Variants in OCLN observed in about 807,000 individuals in gnomAD.
OCLN encodes the protein phosphatase 1, regulatory subunit 115.
A neutral mutation model predicts 47.9 loss-of-function variants in OCLN; 21 were observed. The observed-to-expected ratio is 0.44, with a 90% confidence interval of 0.31 to 0.63. The LOEUF (loss-of-function observed/expected upper bound fraction) is 0.63. Among genes scored for constraint, OCLN ranks in the 30% least tolerant of loss-of-function variants. The pLI is 0.08. For synonymous variants in OCLN, 117 were observed against 198.4 expected (o/e 0.59, Z 3.45); for missense variants, 360 against 571.0 (o/e 0.63, Z 3.77).
At chr5:69,514,206 T>G in intron 4 of OCLN, 97 bp downstream of exon 4, 1 of 1,095,714 alleles carries the variant, frequency 9.1e-7, no homozygotes, top group South Asian at 1.3e-5. Flanking sequence ...AGAATTAATG[T>G]TTGTATATGT....
intron 4 of OCLN, among the ~76,000 whole-genome samples, chr5:69,533,968 C>G (rs1344765104): frequency 6.6e-6 from 1 of 151,978 alleles, no homozygotes; most frequent in Non-Finnish European, 1.5e-5. Context: ...CCTATTAAGG[C>G]ATAATTTCTA....
intron 1 of OCLN, among the ~76,000 whole-genome samples, chr5:69,498,676 T>C (rs946434998): frequency 2.7e-5 from 4 of 149,000 alleles, no homozygotes; most frequent in African/African-American, 9.9e-5. Flanking sequence ...TCTTGTATAC[T>C]TTTTTTTTTA....
chr5:69,505,855 T>C (rs1768584549), intron 2 of OCLN, among the ~76,000 whole-genome samples: 1 of 152,186 alleles, frequency 6.6e-6, no homozygotes, highest in Non-Finnish European at 1.5e-5. Flanking sequence ...GTGGGGATAT[T>C]TCCCCACCAG....
chr5:69,506,965 C>T (rs1409089946), intron 2 of OCLN, among the ~76,000 whole-genome samples: 1 of 152,116 alleles, frequency 6.6e-6, no homozygotes, highest in Non-Finnish European at 1.5e-5. Flanking sequence ...TGAGGAAAGA[C>T]CAAGCAAACA....
At chr5:69,523,782 C>T (rs898587957) in intron 4 of OCLN, among the ~76,000 whole-genome samples, 7 of 152,022 alleles carry the variant, frequency 4.6e-5, no homozygotes, top group Admixed American at 2.0e-4. Context: ...GTGATCCACC[C>T]GCCTCAGCCT....
chr5:69,553,820 G>C lies in OCLN; in HGVS notation c.*149G>C. On this transcript the variant is annotated 3_prime_UTR_variant, in exon 9 of 9. Coordinates refer to ENST00000396442, the MANE Select transcript of OCLN (RefSeq NM_001205254.2). ...TTGCTTTAACATCATCAGTATTGAA[G>C]CATTTTATAAATCGCTTTTGATAAT... 8.3e-7 allele frequency: 1 copy of C among 1,211,258 alleles called. No homozygotes were observed. The highest frequency in any genetic ancestry group is 1.2e-6 in the Non-Finnish European group (1 of 854,256). The allele number at this position is 1,211,258 out of a possible 1,614,324, so 75.0% of individuals were successfully genotyped here. A position where few individuals can be genotyped will look rare whatever the true frequency, so the allele number is the denominator to read the frequency against.
At chr5:69,515,312 G>T (rs1465502908) in intron 4 of OCLN, among the ~76,000 whole-genome samples, 2 of 128,052 alleles carry the variant, frequency 1.6e-5, no homozygotes, top group African/African-American at 2.9e-5. Flanking sequence ...CGGATGGGGC[G>T]GCTGGCCGGG....
At chr5:69,514,852 G>C (rs983869208) in intron 4 of OCLN, among the ~76,000 whole-genome samples, 1 of 152,174 alleles carries the variant, frequency 6.6e-6, no homozygotes, top group Admixed American at 6.5e-5. Context: ...TAGGGTCACC[G>C]ATCAACAGGA....
At chr5:69,533,385 C>T (rs939170028) in intron 4 of OCLN, among the ~76,000 whole-genome samples, 1 of 152,050 alleles carries the variant, frequency 6.6e-6, no homozygotes, top group Non-Finnish European at 1.5e-5. Context: ...AAAAACGGGG[C>T]ACAAGGAGTG....
rs903942235 is a variant in OCLN, at chr5:69,493,671, G to T, written c.-69+771G>T. 2.6e-5 allele frequency among the ~76,000 whole-genome samples: 4 copies of T among 152,150 alleles called. No homozygotes were observed. Among genetic ancestry groups the T allele is most frequent in the African/African-American group, 9.7e-5 (4 of 41,440 alleles). On this transcript the variant is annotated intron_variant, in intron 1 of 8. Coordinates refer to ENST00000396442, the MANE Select transcript of OCLN (RefSeq NM_001205254.2). The surrounding 1 kb of genome is among the most constrained non-coding windows in gnomAD (Gnocchi z 5.3). ...TCCGGGCGGTGCCTGCCCGGCGAAC[G>T]TGGGCGCGCGCTGCCTGGGAGCGCC... is the stretch of plus-strand genomic sequence containing the variant.
At chr5:69,503,188 G>T (rs1768506998) in intron 1 of OCLN, among the ~76,000 whole-genome samples, 1 of 152,018 alleles carries the variant, frequency 6.6e-6, no homozygotes, top group African/African-American at 2.4e-5. Flanking sequence ...CTTCATTGTT[G>T]CCTCACACCT....
At chr5:69,525,183 C>A (rs957818568) in intron 4 of OCLN, among the ~76,000 whole-genome samples, 1 of 151,572 alleles carries the variant, frequency 6.6e-6, no homozygotes, top group Non-Finnish European at 1.5e-5. Context: ...CGGCTCACTG[C>A]GAGCTCCACC....
chr5:69,536,895 G>C (rs1325228516), intron 5 of OCLN, among the ~76,000 whole-genome samples: 2 of 151,528 alleles, frequency 1.3e-5, no homozygotes, highest in Non-Finnish European at 2.9e-5. Context: ...GTGAACCCGG[G>C]AGGTGGAGCT....
chr5:69,504,406 T>C, intron 2 of OCLN, 112 bp downstream of exon 2: 1 of 738,842 alleles, frequency 1.4e-6, no homozygotes, highest in Non-Finnish European at 2.4e-6. Flanking sequence ...ATATGTGTAC[T>C]TGTAAATTTA....
intron 4 of OCLN, among the ~76,000 whole-genome samples, chr5:69,518,923 GC>G (rs1214183545): frequency 1.3e-5 from 2 of 152,100 alleles, no homozygotes; most frequent in Non-Finnish European, 2.9e-5. Flanking sequence ...GATCACTTGA[GC>G]CCAGGAGTTT....
At chr5:69,509,073 AT>A in intron 2 of OCLN, 67 bp from the exon 3 acceptor site, 1 of 1,295,290 alleles carries the variant, frequency 7.7e-7, no homozygotes, top group Non-Finnish European at 1.1e-6. Flanking sequence ...ATTATTCCAA[AT>A]AAGTTGTGTT....
Position 69,509,715 on chromosome 5 carries a change from G to C in OCLN, c.625G>C (p.Gly209Arg). ...TGCTCAGTCTTCTGGATCTCTATAT[G>C]GTTCACAAATATATGCCCTCTGCAA... ...PTAQSSGSLY[G>R]SQIYALCNQF... Residue 209 changes from glycine (G) to arginine (R), a missense_variant, in exon 3 of 9, where the codon GGT (glycine) becomes CGT (arginine). Gly to Arg is a moderately radical substitution (Grantham distance 125). This residue lies in a region of OCLN where 314 missense variants were observed against 368.1 expected (regional missense o/e 0.85). Transcript: ENST00000396442. The C allele has an allele frequency of 6.2e-7, 1 of 1,614,038 alleles. No homozygotes were observed. Among genetic ancestry groups the C allele is most frequent in the Non-Finnish European group, 8.5e-7 (1 of 1,179,968 alleles).
chr5:69,530,838 A>C (rs981426379), intron 4 of OCLN: 1 of 152,300 alleles, frequency 6.6e-6, no homozygotes, highest in Non-Finnish European at 1.5e-5. Flanking sequence ...AGGTCAGCTC[A>C]GTGTGCCTCA....
chr5:69,514,150 C>T (rs1270659967), intron 4 of OCLN, 41 bp downstream of exon 4: 20 of 1,560,764 alleles, frequency 1.3e-5, no homozygotes, highest in Non-Finnish European at 1.8e-5. Context: ...TATTAAAGCC[C>T]CAAATTTGTG....
Sources: gnomAD v4.1 joint callset for allele counts (sites outside exome capture counted in the v4.1 genomes callset) on GRCh38, gnomAD v4.1.1 for gene constraint, gnomAD v4.1.1 regional missense constraint, Gnocchi (gnomAD v3.1) non-coding constraint, MANE v1.5 for transcripts, NCBI Gene and HGNC (gene_info 2026-07-23, HGNC 2026-07-21) for gene names.